Variants in HIBADH observed in about 807,000 individuals in gnomAD.
HIBADH encodes the protein 3-hydroxyisobutyrate dehydrogenase.
Under a neutral mutation model 36.1 loss-of-function variants are expected in HIBADH, and 25 were observed. The ratio of observed to expected loss-of-function variants is 0.69; its 90% confidence interval spans 0.50 to 0.97. The LOEUF (loss-of-function observed/expected upper bound fraction) is 0.97, where lower values mean the gene tolerates loss of function less well. HIBADH is among the 50% of genes least tolerant of loss of function. The pLI, the probability that HIBADH is intolerant of heterozygous loss-of-function variation, is 0.00. For missense variants in HIBADH, 421 were observed against 418.0 expected, an observed-to-expected ratio of 1.01 and a Z score of -0.06; for synonymous variants, 160 against 149.5, an observed-to-expected ratio of 1.07 and a Z score of -0.51.
intron 4 of HIBADH, among the ~76,000 whole-genome samples, chr7:27,597,352 A>G (rs999987598): frequency 3.3e-5 from 5 of 152,166 alleles, no homozygotes; most frequent in Non-Finnish European, 7.4e-5. Flanking sequence ...GACACAAGTG[A>G]AAATAGAAAC....
At chr7:27,639,179 G>A (rs957075166) in intron 2 of HIBADH, among the ~76,000 whole-genome samples, 4 of 152,084 alleles carry the variant, frequency 2.6e-5, no homozygotes, top group Admixed American at 1.3e-4. Context: ...CAAAGACATG[G>A]AACCAACCTA....
rs544874785 is a variant in HIBADH, at chr7:27,607,897, A to G, written c.484+21474T>C. On this transcript the variant is annotated intron_variant, in intron 4 of 7. Transcript: ENST00000265395. ...CCAATTAACTATTTCAGTGTCTGCC[A>G]AGACTAGTTTCTATTCTTTTAATAT... 1.1e-3 allele frequency among the ~76,000 whole-genome samples: 162 copies of G among 152,332 alleles called. No individual in the cohort carries two copies. In the South Asian group the frequency reaches 0.014, roughly 13 times the overall value.
At chr7:27,582,482 A>T (rs1020211245) in intron 4 of HIBADH, among the ~76,000 whole-genome samples, 3 of 151,984 alleles carry the variant, frequency 2.0e-5, no homozygotes, top group Non-Finnish European at 4.4e-5. Context: ...GACTATGGGA[A>T]TTTTTTTCTT....
At chr7:27,662,258 C>G (rs1015720460) in intron 1 of HIBADH, among the ~76,000 whole-genome samples, 13 of 152,136 alleles carry the variant, frequency 8.5e-5, no homozygotes, top group Non-Finnish European at 7.3e-5. Flanking sequence ...ACATCAGGCC[C>G]TGCTGCCCAA....
chr7:27,662,565 A>G (rs970444323), intron 1 of HIBADH, 133 bp downstream of exon 1: 23 of 477,480 alleles, frequency 4.8e-5, no homozygotes, highest in Admixed American at 3.1e-4. Flanking sequence ...GGCCTTTAGT[A>G]CCAGCCAAAA....
intron 6 of HIBADH, among the ~76,000 whole-genome samples, chr7:27,531,677 C>A (rs1784004231): frequency 1.3e-5 from 2 of 152,230 alleles, no homozygotes; most frequent in South Asian, 2.1e-4. Context: ...TTGGACATTA[C>A]TACATTTATA....
chr7:27,573,601 G>C (rs1255132636), intron 4 of HIBADH, among the ~76,000 whole-genome samples: 2 of 152,298 alleles, frequency 1.3e-5, no homozygotes, highest in South Asian at 4.1e-4. Context: ...AAATTTCCTT[G>C]CATGTATTTA....
intron 2 of HIBADH, among the ~76,000 whole-genome samples, chr7:27,633,799 A>G (rs1041201150): frequency 1.3e-5 from 2 of 152,228 alleles, no homozygotes; most frequent in Admixed American, 1.3e-4. Context: ...AATGAGTTAC[A>G]TATGTAAAAA....
At chr7:27,615,954 GA>G (rs1225273364) in intron 4 of HIBADH, among the ~76,000 whole-genome samples, 2 of 152,088 alleles carry the variant, frequency 1.3e-5, no homozygotes, top group African/African-American at 4.8e-5. Flanking sequence ...TGTCTAAATG[GA>G]CTACCATTTA....
rs1247142839 is a variant in HIBADH, at chr7:27,525,989, A to G, written c.*225T>C. On this transcript the variant is annotated 3_prime_UTR_variant, in exon 8 of 8. Coordinates refer to ENST00000265395, the MANE Select transcript of HIBADH (RefSeq NM_152740.4). ...ACTTTGTAAAAAGGTCAATTAAGCTAGTTAGCAGAGACTATCAGTGGCTTG... is the reference window on the plus strand; with the variant it reads ...ACTTTGTAAAAAGGTCAATTAAGCTGGTTAGCAGAGACTATCAGTGGCTTG... The G allele has an allele frequency of 6.3e-6, 2 of 319,228 alleles. No individual in the cohort carries two copies. The highest frequency in any genetic ancestry group is 1.1e-5 in the Non-Finnish European group (2 of 176,156). The allele number at this position is 319,228 out of a possible 1,614,324, so 19.8% of individuals were successfully genotyped here.
At chr7:27,626,488 G>A (rs1406485447) in intron 4 of HIBADH, among the ~76,000 whole-genome samples, 1 of 152,160 alleles carries the variant, frequency 6.6e-6, no homozygotes, top group East Asian at 1.9e-4. Context: ...ATGTACACAG[G>A]AGCCATTACA....
chr7:27,559,166 A>C lies in HIBADH; in HGVS notation c.485-16066T>G, dbSNP rs560570617. On this transcript the variant is annotated intron_variant, in intron 4 of 7. Coordinates refer to ENST00000265395, the MANE Select transcript of HIBADH (RefSeq NM_152740.4). ...CTAAATTTCCCCTTTTTGTAAGGAG[A>C]ACAATCATATTAAATTAAGGCCCAC... Among the ~76,000 whole-genome samples, 45 of 152,192 alleles carry C rather than the reference A, an allele frequency of 3.0e-4. No individual in the cohort carries two copies. The Middle Eastern group carries it at 0.02, about 69-fold the overall frequency.
chr7:27,656,848 A>C (rs949154223), intron 1 of HIBADH, among the ~76,000 whole-genome samples: 2 of 152,230 alleles, frequency 1.3e-5, no homozygotes, highest in African/African-American at 4.8e-5. Flanking sequence ...ATGGGAATAA[A>C]AGCCAGTTCT....
At position 27,526,057 on chromosome 7, in the gene HIBADH, A is replaced by G. The variant is rs906165237; in HGVS notation, c.*157T>C. 7 of 533,210 alleles carry G rather than the reference A, an allele frequency of 1.3e-5. No individual in the cohort carries two copies. The African/African-American group carries it at 1.4e-4, about 10-fold the overall frequency. The allele number at this position is 533,210 out of a possible 1,614,324, so 33.0% of individuals were successfully genotyped here. A position where few individuals can be genotyped will look rare whatever the true frequency, so the allele number is the denominator to read the frequency against. On this transcript the variant is annotated 3_prime_UTR_variant, in exon 8 of 8. Coordinates refer to ENST00000265395, the MANE Select transcript of HIBADH (RefSeq NM_152740.4). ...TAATATGTTTGTTAAAAAGACAAAA[A>G]GAATAAGCGGTGAAAAATCCTAGGG...
Position 27,563,122 on chromosome 7 carries a change from C to T in HIBADH, c.485-20022G>A, listed in dbSNP as rs915235680. On this transcript the variant is annotated intron_variant, in intron 4 of 7. Transcript: ENST00000265395. ...TCCTACTATCTGTTGTTCATTCCCACGGTTTTGCCTTTCCAGGATGTTATA... is the reference window on the plus strand; with the variant it reads ...TCCTACTATCTGTTGTTCATTCCCATGGTTTTGCCTTTCCAGGATGTTATA... Among the ~76,000 whole-genome samples, 23 of 152,140 alleles carry T rather than the reference C, an allele frequency of 1.5e-4. 1 individual carries two copies. Among genetic ancestry groups the T allele is most frequent in the African/African-American group, 4.8e-4 (20 of 41,420 alleles).
intron 4 of HIBADH, among the ~76,000 whole-genome samples, chr7:27,594,268 C>T (rs1478935398): frequency 6.6e-6 from 1 of 151,494 alleles, no homozygotes; most frequent in Non-Finnish European, 1.5e-5. Flanking sequence ...CTCAGCCTCC[C>T]GAATAGCTGG....
intron 4 of HIBADH, among the ~76,000 whole-genome samples, chr7:27,564,146 C>G (rs1784505834): frequency 6.6e-6 from 1 of 152,084 alleles, no homozygotes. Context: ...GATCTGCCCG[C>G]CTCAGCCTCC....
chr7:27,563,999 C>T (rs563955039), intron 4 of HIBADH, among the ~76,000 whole-genome samples: 17 of 150,436 alleles, frequency 1.1e-4, no homozygotes, highest in Non-Finnish European at 2.1e-4. Context: ...CCCGGATTCA[C>T]GCCATTCTCC....
chr7:27,620,099 C>T (rs921960509), intron 4 of HIBADH, among the ~76,000 whole-genome samples: 1 of 152,070 alleles, frequency 6.6e-6, no homozygotes, highest in African/African-American at 2.4e-5. Flanking sequence ...GGTGGAGGAG[C>T]GCTTGAGCCC....
Sources: allele counts gnomAD v4.1 joint callset (sites outside exome capture counted in the v4.1 genomes callset), GRCh38; gene constraint gnomAD v4.1.1; transcripts MANE v1.5; gene names NCBI Gene and HGNC (gene_info 2026-07-23, HGNC 2026-07-21).